SPTBN2: variants seen among roughly 807,000 people sequenced by gnomAD.
SPTBN2 encodes spectrin beta, non-erythrocytic 2.
Under a neutral mutation model 284.2 loss-of-function variants are expected in SPTBN2, and 107 were observed. The ratio of observed to expected loss-of-function variants is 0.38; its 90% confidence interval spans 0.32 to 0.44. SPTBN2 has a LOEUF of 0.44. SPTBN2 is among the 20% of genes least tolerant of loss of function. SPTBN2 has a pLI of 1.00. For synonymous variants in SPTBN2, 1,289 were observed against 1,354.8 expected, an observed-to-expected ratio of 0.95 and a Z score of 1.07; for missense variants, 2,569 against 3,287.1, an observed-to-expected ratio of 0.78 and a Z score of 5.34.
At chr11:66,730,663 C>T (rs1267791891), upstream of SPTBN2, among the ~76,000 whole-genome samples, 1 of 151,952 alleles carries the variant, frequency 6.6e-6, no homozygotes, top group Non-Finnish European at 1.5e-5. Flanking sequence ...GTACTGGTTA[C>T]GGGAACTAAG....
chr11:66,688,662 C>T lies in SPTBN2; in HGVS notation c.6222G>A (p.Lys2074=). The T allele has an allele frequency of 6.2e-7, 1 of 1,613,972 alleles. No homozygotes were observed. The highest frequency in any genetic ancestry group is 8.5e-7 in the Non-Finnish European group (1 of 1,180,016). ...AWEERFCALE[K]LTALEEREKE... The stretch of plus-strand genomic sequence containing the variant: ...GTCCTGTGTCCCTCACCGCAGTAAG[C>T]TTCTCCAGCGCACAGAATCGCTCCT... Residue 2074 remains lysine (K), a synonymous_variant, in exon 31 of 38, where the codon AAG becomes AAA. Coordinates refer to ENST00000533211, the MANE Select transcript of SPTBN2 (RefSeq NM_006946.4).
rs764921928 is a variant in SPTBN2 at position 66,687,614 on chromosome 11, G to A, written c.6535C>T (p.Arg2179Trp). 2.2e-5 allele frequency: 35 copies of A among 1,604,056 alleles called. No individual in the cohort carries two copies. Among genetic ancestry groups the A allele is most frequent in the Admixed American group, 1.0e-4 (6 of 59,634 alleles). Residue 2179 changes from arginine to tryptophan, a missense_variant, in exon 35 of 38, where the codon CGG becomes TGG. Transcript: ENST00000533211. The surrounding 1 kb of genome is among the most constrained non-coding windows in gnomAD (Gnocchi z 5.2). ...PGSGDEANGPRGERQTRTRGP... is the reference protein window; with the variant it reads ...PGSGDEANGPWGERQTRTRGP... ...CGAGTCCGGGTCTGCCTCTCTCCCC[G>A]GGGCCCATTGGCTTCGTCCCCTGAG... is the stretch of plus-strand genomic sequence containing the variant.
Position 66,687,131 on chromosome 11 carries a change from C to G in SPTBN2, c.6759G>C (p.Gly2253=). 1.2e-6 allele frequency: 2 copies of G among 1,614,056 alleles called. No individual in the cohort carries two copies. The highest frequency in any genetic ancestry group is 2.2e-5 in the South Asian group (2 of 91,086). ...WQNVYCVLRR[G]SLGFYKDAKA... ...TGGCATCCTTGTAAAAGCCGAGGCT[C>G]CCACGCCGCAGGACACAGTACACGT... The change falls in exon 36 of 38, where the codon GGG becomes GGC. Residue 2253 remains glycine, a synonymous_variant. Coordinates refer to ENST00000533211, the MANE Select transcript of SPTBN2 (RefSeq NM_006946.4). The surrounding 1 kb of genome is among the most constrained non-coding windows in gnomAD (Gnocchi z 5.2).
At chr11:66,696,936 C>T (rs1940949876) in intron 20 of SPTBN2, among the ~76,000 whole-genome samples, 1 of 152,118 alleles carries the variant, frequency 6.6e-6, no homozygotes. Flanking sequence ...ACCTGGTTTC[C>T]CCACTTCCAG....
Position 66,708,755 on chromosome 11 carries a change from A to C in SPTBN2, c.1191+147T>G. On this transcript the variant is annotated intron_variant, in intron 11 of 37. Transcript: ENST00000533211. This position sits in a 1 kb window ranked among gnomAD's most constrained non-coding sequence, Gnocchi z 4.4. The stretch of plus-strand genomic sequence containing the variant: ...GAATCACATCTGGCACAGTGTGGGC[A>C]GCTGGGCAGAGTGCTCGAGTTTCAA... The C allele has an allele frequency of 1.5e-6, 1 of 669,026 alleles. No homozygotes were observed. Among genetic ancestry groups the C allele is most frequent in the Non-Finnish European group, 2.6e-6 (1 of 379,472 alleles). The allele number at this position is 669,026 out of a possible 1,614,324, so 41.4% of individuals were successfully genotyped here. A position where few individuals can be genotyped will look rare whatever the true frequency, so the allele number is the denominator to read the frequency against.
rs1016196790 is a variant in SPTBN2 at position 66,684,730 on chromosome 11, A to C, written c.*1141T>G. Reference sequence around the variant, plus strand: ...CCTCATGGCTTCCCAGAGTGACTTCATTCTGTTGATCAGTTTATTGGAACC... The same window carrying C: ...CCTCATGGCTTCCCAGAGTGACTTCCTTCTGTTGATCAGTTTATTGGAACC... On this transcript the variant is annotated 3_prime_UTR_variant, in exon 38 of 38. Transcript: ENST00000533211. 5.9e-5 allele frequency among the ~76,000 whole-genome samples: 9 copies of C among 151,782 alleles called. No individual in the cohort carries two copies. Among genetic ancestry groups the C allele is most frequent in the African/African-American group, 2.2e-4 (9 of 41,288 alleles).
chr11:66,689,967 C>T (rs1293485093), intron 28 of SPTBN2, 24 bp from the exon 29 acceptor site: 1 of 1,613,798 alleles, frequency 6.2e-7, no homozygotes, highest in Admixed American at 1.7e-5. Context: ...GAAACAGCAT[C>T]ACCTGCTGCC....
Position 66,708,796 on chromosome 11 carries a change from A to G in SPTBN2, c.1191+106T>C, listed in dbSNP as rs1165874557. ...CGAGTTTCAAGTTGGGGCAGCAGATAGTAGAACTTGGTGAAGGTCGACATG... is the reference window on the plus strand; with the variant it reads ...CGAGTTTCAAGTTGGGGCAGCAGATGGTAGAACTTGGTGAAGGTCGACATG... On this transcript the variant is annotated intron_variant, in intron 11 of 37. Transcript: ENST00000533211. The surrounding 1 kb of genome is among the most constrained non-coding windows in gnomAD (Gnocchi z 4.4). 2.9e-5 allele frequency: 26 copies of G among 894,208 alleles called. No individual in the cohort carries two copies. In the South Asian group the frequency reaches 3.6e-4, roughly 12 times the overall value. The allele number at this position is 894,208 out of a possible 1,614,324, so 55.4% of individuals were successfully genotyped here. A position where few individuals can be genotyped will look rare whatever the true frequency, so the allele number is the denominator to read the frequency against.
chr11:66,735,751 ATTAT>A (rs781319076), intron 1 of SPTBN2, among the ~76,000 whole-genome samples: 3 of 152,190 alleles, frequency 2.0e-5, no homozygotes, highest in Non-Finnish European at 4.4e-5. Flanking sequence ...CAACGATTGC[ATTAT>A]TTATTTTTTT....
chr11:66,701,059 G>A lies in SPTBN2; in HGVS notation c.3040C>T (p.Arg1014Trp). Reference sequence around the variant, plus strand: ...GCCTCTCGAGTCAGTTCGCCCACCCGGGCGGCGATGGCCTCCAGGTCCCGC... The same window carrying A: ...GCCTCTCGAGTCAGTTCGCCCACCCAGGCGGCGATGGCCTCCAGGTCCCGC... ...TERDLEAIAARVGELTREANA... is the reference protein window; with the variant it reads ...TERDLEAIAAWVGELTREANA... The change falls in exon 17 of 38, where the codon CGG (arginine) becomes TGG (tryptophan). Residue 1014 changes from arginine (R) to tryptophan (W), a missense_variant. Coordinates refer to ENST00000533211, the MANE Select transcript of SPTBN2 (RefSeq NM_006946.4). The A allele has an allele frequency of 5.6e-6, 9 of 1,610,438 alleles. No homozygotes were observed. The highest frequency in any genetic ancestry group is 7.6e-6 in the Non-Finnish European group (9 of 1,179,834).
At chr11:66,688,928 G>C in intron 30 of SPTBN2, 79 bp from the exon 31 acceptor site, 2 of 1,559,178 alleles carry the variant, frequency 1.3e-6, no homozygotes, top group East Asian at 2.2e-5. Context: ...GCAACCTCAA[G>C]AACAGGGACA....
chr11:66,696,162 TG>T, intron 21 of SPTBN2, 114 bp downstream of exon 21: 1 of 1,354,816 alleles, frequency 7.4e-7, no homozygotes, highest in Non-Finnish European at 1.0e-6. Context: ...GAAATGACTC[TG>T]GGAAATGCTA....
Position 66,687,793 on chromosome 11 carries a change from C to A in SPTBN2, c.6501+75G>T. ...CTCTCCCATCCCATCCCCAGTACTC[C>A]CCCACCCGCACTCACCACCCCCTCT... On this transcript the variant is annotated intron_variant, in intron 34 of 37. Coordinates refer to ENST00000533211, the MANE Select transcript of SPTBN2 (RefSeq NM_006946.4). The surrounding 1 kb of genome is among the most constrained non-coding windows in gnomAD (Gnocchi z 5.2). The A allele has an allele frequency of 6.2e-7, 1 of 1,603,110 alleles. No homozygotes were observed. Among genetic ancestry groups the A allele is most frequent in the Non-Finnish European group, 8.5e-7 (1 of 1,170,212 alleles).
chr11:66,688,953 G>A, intron 30 of SPTBN2, 104 bp from the exon 31 acceptor site: 1 of 1,504,654 alleles, frequency 6.6e-7, no homozygotes, highest in South Asian at 1.1e-5. Flanking sequence ...GAAAGCCACT[G>A]CCCCAGAGCT....
At chr11:66,698,906 C>T in intron 19 of SPTBN2, 86 bp downstream of exon 19, 1 of 1,600,392 alleles carries the variant, frequency 6.2e-7, no homozygotes. Context: ...GGCTCACAGT[C>T]TCCGGTACCT....
chr11:66,706,393 C>T (rs1170112117), intron 13 of SPTBN2, among the ~76,000 whole-genome samples: 2 of 152,212 alleles, frequency 1.3e-5, no homozygotes, highest in East Asian at 1.9e-4. Flanking sequence ...TGCAGTAGCA[C>T]AATCTCAGTT....
chr11:66,686,564 A>G (rs368453848), intron 36 of SPTBN2, 124 bp from the exon 37 acceptor site: 6 of 1,033,232 alleles, frequency 5.8e-6, no homozygotes, highest in East Asian at 4.8e-5. Context: ...TCAGAGCCGG[A>G]CCAGACACGC....
chr11:66,696,640 G>A, intron 20 of SPTBN2, 100 bp from the exon 21 acceptor site: 1 of 1,498,296 alleles, frequency 6.7e-7, no homozygotes, highest in Non-Finnish European at 9.2e-7. Context: ...GACCTGAAGT[G>A]TGGGCAATAA....
At chr11:66,724,384 T>C (rs777809312) in intron 1 of SPTBN2, among the ~76,000 whole-genome samples, 6 of 151,922 alleles carry the variant, frequency 3.9e-5, no homozygotes, top group Admixed American at 1.3e-4. Context: ...GATTGCGCCA[T>C]TGCACTCCAG....
Sources: allele counts gnomAD v4.1 joint callset (sites outside exome capture counted in the v4.1 genomes callset), GRCh38; gene constraint gnomAD v4.1.1; non-coding constraint Gnocchi (gnomAD v3.1); transcripts MANE v1.5; gene names NCBI Gene and HGNC (gene_info 2026-07-23, HGNC 2026-07-21).